MYH10: variants seen among roughly 807,000 people sequenced by gnomAD.
The protein encoded by MYH10 is myosin-10.
A neutral mutation model predicts 257.8 loss-of-function variants in MYH10; 55 were observed. That is an observed-to-expected ratio of 0.21 (90% confidence interval 0.17 to 0.27). MYH10 has a LOEUF of 0.27. Ranked by LOEUF, MYH10 falls within the 10% of genes least tolerant of loss-of-function variation. The pLI is 1.00. For missense variants in MYH10, 1,631 were observed against 2,500.6 expected (o/e 0.65, Z 7.42); for synonymous variants, 854 against 921.7 (o/e 0.93, Z 1.33).
chr17:8,596,471 G>A (rs1567958655), intron 3 of MYH10, among the ~76,000 whole-genome samples: 1 of 152,118 alleles, frequency 6.6e-6, no homozygotes, highest in Non-Finnish European at 1.5e-5. Context: ...ACTTTTTAAA[G>A]CCTTCCTTGA....
chr17:8,523,227 C>T (rs887438865), intron 17 of MYH10, among the ~76,000 whole-genome samples: 1 of 152,170 alleles, frequency 6.6e-6, no homozygotes, highest in Non-Finnish European at 1.5e-5. Flanking sequence ...CACAAAGGTG[C>T]CTCTGCCTTC....
At chr17:8,592,933 C>CTATATATATATATATA (rs71159601) in intron 3 of MYH10, among the ~76,000 whole-genome samples, 4 of 44,710 alleles carry the variant, frequency 8.9e-5, no homozygotes, top group African/African-American at 2.5e-4. Context: ...TCAAATCCAG[C>CTATATATATATATATA]TATATATATA....
chr17:8,511,373 A>C (rs1306218585), intron 24 of MYH10, among the ~76,000 whole-genome samples: 2 of 152,034 alleles, frequency 1.3e-5, no homozygotes, highest in Non-Finnish European at 2.9e-5. Context: ...TACAAAAATT[A>C]GCTGGGCGTG....
In MYH10 at chr17:8,506,571, T is replaced by C. The variant is rs1226982098; in HGVS notation, c.3215-82A>G. On this transcript the variant is annotated intron_variant, in intron 26 of 42. Transcript: ENST00000360416. This position sits in a 1 kb window ranked among gnomAD's most constrained non-coding sequence, Gnocchi z 5.0. The stretch of plus-strand genomic sequence containing the variant: ...AAACTAAAATACAGACTGATCCAAG[T>C]TGAAAATAAGCCATTTTATTCAAAA... 1 of 1,444,882 alleles carries C rather than the reference T, an allele frequency of 6.9e-7. No homozygotes were observed. The highest frequency in any genetic ancestry group is 1.3e-5 in the South Asian group (1 of 77,172). 89.5% of individuals were successfully genotyped at this position (1,444,882 alleles called of 1,614,324 possible).
chr17:8,516,727 C>T lies in MYH10; in HGVS notation c.2504+1904G>A, dbSNP rs114568221. On this transcript the variant is annotated intron_variant, in intron 21 of 42. Coordinates refer to ENST00000360416, the MANE Select transcript of MYH10 (RefSeq NM_001256012.3). ...TAACTCTATGAAGTTAGCCTGGCAC[C>T]TGCCATTGCTCACTCCTTATGCTAT... 3.6e-3 allele frequency among the ~76,000 whole-genome samples: 550 copies of T among 152,346 alleles called. 1 individual carries two copies. Among genetic ancestry groups the T allele is most frequent in the African/African-American group, 0.013 (526 of 41,582 alleles).
intron 6 of MYH10, 130 bp downstream of exon 6, chr17:8,576,513 T>C (rs2083502420): frequency 1.1e-6 from 1 of 901,718 alleles, no homozygotes; most frequent in East Asian, 2.7e-5. Context: ...CAATAAATTT[T>C]CAAAATTAAA....
rs769560357 is a variant in MYH10, at chr17:8,499,405, C to T, written c.3816G>A (p.Lys1272=). ...TDNKELACEV[K]VLQQVKAESE... is the part of the protein sequence containing the mutation. ...ACTCAGCCTTGACCTGCTGCAGGAC[C>T]TTCACCTCACACGCCAGCTCCTTGT... The change falls in exon 30 of 43, where the codon AAG becomes AAA. Residue 1272 remains lysine (K), a synonymous_variant. Coordinates refer to ENST00000360416, the MANE Select transcript of MYH10 (RefSeq NM_001256012.3). The T allele has an allele frequency of 2.5e-6, 4 of 1,614,168 alleles. No homozygotes were observed. In the South Asian group the frequency reaches 3.3e-5, roughly 13 times the overall value.
chr17:8,531,675 G>T (rs765862060), intron 16 of MYH10, among the ~76,000 whole-genome samples: 7 of 151,704 alleles, frequency 4.6e-5, no homozygotes, highest in Non-Finnish European at 1.0e-4. Context: ...ACAGGCGTGA[G>T]CCACCGTGCC....
At chr17:8,512,429 A>C (rs752073282) in intron 24 of MYH10, 22 bp downstream of exon 24, 2 of 1,576,768 alleles carry the variant, frequency 1.3e-6, no homozygotes, top group Non-Finnish European at 1.7e-6. Flanking sequence ...ATATGCTTCT[A>C]AGTAAAAATT....
chr17:8,495,280 G>C lies in MYH10; in HGVS notation c.3952-39C>G, dbSNP rs113134214. 8.7e-3 allele frequency: 11,320 copies of C among 1,303,776 alleles called. 70 individuals are homozygous for C. Among genetic ancestry groups the C allele is most frequent in the Middle Eastern group, 0.012 (67 of 5,408 alleles). The allele number at this position is 1,303,776 out of a possible 1,614,324, so 80.8% of individuals were successfully genotyped here. Reference sequence around the variant, plus strand: ...AAGATTAAATTCAACTCAATAGTAAGCAAGCAGAAAGGGTCTAGAAACACA... The same window carrying C: ...AAGATTAAATTCAACTCAATAGTAACCAAGCAGAAAGGGTCTAGAAACACA... On this transcript the variant is annotated intron_variant, in intron 30 of 42. Coordinates refer to ENST00000360416, the MANE Select transcript of MYH10 (RefSeq NM_001256012.3).
intron 31 of MYH10, among the ~76,000 whole-genome samples, chr17:8,494,759 A>C (rs1197846256): frequency 6.6e-6 from 1 of 152,200 alleles, no homozygotes; most frequent in Non-Finnish European, 1.5e-5. Context: ...TACAAAATGG[A>C]CTGTTTCTCA....
intron 3 of MYH10, among the ~76,000 whole-genome samples, chr17:8,589,924 C>T (rs2084059337): frequency 6.6e-6 from 1 of 152,154 alleles, no homozygotes; most frequent in Non-Finnish European, 1.5e-5. Flanking sequence ...GCTAGGTAAT[C>T]CTCCCAAGTG....
At chr17:8,532,564 T>C (rs891901739) in intron 16 of MYH10, among the ~76,000 whole-genome samples, 6 of 152,188 alleles carry the variant, frequency 3.9e-5, no homozygotes, top group Non-Finnish European at 8.8e-5. Context: ...CCCACCTCCA[T>C]CCTTGCCCAC....
intron 19 of MYH10, among the ~76,000 whole-genome samples, chr17:8,520,644 C>T (rs1199558275): frequency 6.6e-6 from 1 of 152,152 alleles, no homozygotes; most frequent in African/African-American, 2.4e-5. Flanking sequence ...TTCTTTGCAG[C>T]GCCCATAGCA....
At chr17:8,513,955 A>G (rs964790757) in intron 21 of MYH10, 61 bp from the exon 22 acceptor site, 21 of 1,401,994 alleles carry the variant, frequency 1.5e-5, no homozygotes, top group Middle Eastern at 1.8e-4. Context: ...GGCTGTTGTC[A>G]TAAGAAGCCT....
intron 1 of MYH10, among the ~76,000 whole-genome samples, chr17:8,625,545 T>C (rs2085643499): frequency 6.6e-6 from 1 of 151,618 alleles, no homozygotes. Flanking sequence ...GTGGACGCAA[T>C]CTCAGCTCAC....
At chr17:8,491,735 A>C (rs562561883) in intron 34 of MYH10, among the ~76,000 whole-genome samples, 20 of 152,322 alleles carry the variant, frequency 1.3e-4, no homozygotes, top group Non-Finnish European at 2.5e-4. Context: ...AACACGTCAT[A>C]CACTAAGGGA....
chr17:8,576,545 C>T, intron 6 of MYH10, 98 bp downstream of exon 6: 1 of 1,196,068 alleles, frequency 8.4e-7, no homozygotes, highest in East Asian at 2.6e-5. Context: ...ACAGATTTCA[C>T]TTAGAACTAG....
At position 8,475,721 on chromosome 17, in the gene MYH10, T is replaced by C. The variant is rs1912451098; in HGVS notation, c.*83A>G. 1 of 1,496,146 alleles carries C rather than the reference T, an allele frequency of 6.7e-7. No homozygotes were observed. The highest frequency in any genetic ancestry group is 1.4e-5 in the African/African-American group (1 of 72,204). The allele number at this position is 1,496,146 out of a possible 1,614,324, so 92.7% of individuals were successfully genotyped here. A position where few individuals can be genotyped will look rare whatever the true frequency, so the allele number is the denominator to read the frequency against. ...ATCTTTCAGGAAGGAATCCCGTAGCTTGCCAATTTCCGAAATCTGCAGGAG... is the reference window on the plus strand; with the variant it reads ...ATCTTTCAGGAAGGAATCCCGTAGCCTGCCAATTTCCGAAATCTGCAGGAG... On this transcript the variant is annotated 3_prime_UTR_variant, in exon 43 of 43. Coordinates refer to ENST00000360416, the MANE Select transcript of MYH10 (RefSeq NM_001256012.3).
Sources: allele counts gnomAD v4.1 joint callset (sites outside exome capture counted in the v4.1 genomes callset), GRCh38; gene constraint gnomAD v4.1.1; non-coding constraint Gnocchi (gnomAD v3.1); transcripts MANE v1.5; gene names NCBI Gene and HGNC (gene_info 2026-07-23, HGNC 2026-07-21).